LGMN: variants seen among roughly 807,000 people sequenced by gnomAD.
LGMN encodes asparaginyl endopeptidase.
Under a neutral mutation model 56.8 loss-of-function variants are expected in LGMN, and 36 were observed. That is an observed-to-expected ratio of 0.63 (90% CI 0.49 to 0.84). The LOEUF is 0.84. Ranked by LOEUF, LGMN falls within the 40% of genes least tolerant of loss-of-function variation. The pLI is 0.00. For missense variants in LGMN, 446 were observed against 556.1 expected, an observed-to-expected ratio of 0.80 and a Z score of 1.99; for synonymous variants, 199 against 210.1, an observed-to-expected ratio of 0.95 and a Z score of 0.46.
intron 1 of LGMN, among the ~76,000 whole-genome samples, chr14:92,743,273 G>A (rs574351815): frequency 5.4e-4 from 82 of 152,160 alleles, no homozygotes; most frequent in African/African-American, 1.9e-3. Context: ...AGGCCAAGGC[G>A]GGTGGATCAC....
At chr14:92,708,539 TCA>T (rs1889563082) in intron 11 of LGMN, among the ~76,000 whole-genome samples, 1 of 152,178 alleles carries the variant, frequency 6.6e-6, no homozygotes, top group Admixed American at 6.5e-5. Context: ...AATACGTTTT[TCA>T]CACACAGGGC....
At position 92,704,032 on chromosome 14, in the gene LGMN, G is replaced by C; in HGVS notation, c.*287C>G. 1 of 693,908 alleles carries C rather than the reference G, an allele frequency of 1.4e-6. No homozygotes were observed. Among genetic ancestry groups the C allele is most frequent in the South Asian group, 1.5e-5 (1 of 65,848 alleles). The allele number at this position is 693,908 out of a possible 1,614,324, so 43.0% of individuals were successfully genotyped here. ...CTACAGAAGCCCCCATGAGCTTCCT[G>C]CTCCTCAAAACTAACAGGCAAAACA... is the stretch of plus-strand genomic sequence containing the variant. On this transcript the variant is annotated 3_prime_UTR_variant, in exon 14 of 14. Coordinates refer to ENST00000334869, the MANE Select transcript of LGMN (RefSeq NM_005606.7).
rs756259014 is a variant in LGMN, at chr14:92,742,292, C to CTTTTTTT, written c.-30+6190_-30+6196dup. On this transcript the variant is annotated intron_variant, in intron 1 of 13. Coordinates refer to ENST00000334869, the MANE Select transcript of LGMN (RefSeq NM_005606.7). ...AAATGTCTTGCTGTTTTTTGTTTTG[C>CTTTTTTT]TTTTTTTTTTTTTCTTTTTTTTTGA... Among the ~76,000 whole-genome samples the CTTTTTTT allele has an allele frequency of 8.3e-5, 7 of 84,014 alleles. 1 individual carries two copies. The highest frequency in any genetic ancestry group is 1.3e-4 in the African/African-American group (2 of 15,846). 55.1% of individuals were successfully genotyped at this position (84,014 alleles called of 152,430 possible).
chr14:92,706,569 C>T lies in LGMN; in HGVS notation c.1105G>A (p.Glu369Lys), dbSNP rs370307281. The change falls in exon 12 of 14, where the codon GAG becomes AAG. Residue 369 changes from glutamate to lysine, a missense_variant. Physicochemically the swap from Glu to Lys is moderately conservative, Grantham distance 56. Coordinates refer to ENST00000334869, the MANE Select transcript of LGMN (RefSeq NM_005606.7). ...SEAEVEQLLS[E>K]RAPLTGHSCY... ...CTGTGCCCCGTGAGCGGGGCTCTCT[C>T]GGACAGGAGCTGCTCCACCTCAGCC... 83 of 1,604,824 alleles carry T rather than the reference C, an allele frequency of 5.2e-5. No individual in the cohort carries two copies. In the African/African-American group the frequency reaches 6.5e-4, roughly 13 times the overall value.
At chr14:92,745,135 A>C (rs1357439608) in intron 1 of LGMN, among the ~76,000 whole-genome samples, 1 of 152,172 alleles carries the variant, frequency 6.6e-6, no homozygotes. Flanking sequence ...CAGTCTCTAC[A>C]AAAAACAAAA....
At chr14:92,712,165 C>T (rs1402980539) in intron 8 of LGMN, among the ~76,000 whole-genome samples, 1 of 152,152 alleles carries the variant, frequency 6.6e-6, no homozygotes, top group Non-Finnish European at 1.5e-5. Context: ...GAGGAGCCAG[C>T]TGGTGGATGT....
chr14:92,735,900 T>C (rs1891282503), intron 1 of LGMN, among the ~76,000 whole-genome samples: 1 of 151,958 alleles, frequency 6.6e-6, no homozygotes, highest in Non-Finnish European at 1.5e-5. Context: ...GGTCTGTTCA[T>C]GTGCACCTGA....
At chr14:92,725,959 G>A (rs1000801303) in intron 2 of LGMN, among the ~76,000 whole-genome samples, 4 of 151,866 alleles carry the variant, frequency 2.6e-5, no homozygotes, top group Admixed American at 6.6e-5. Flanking sequence ...TCATCTGACC[G>A]GGCACAGTGG....
rs1316574257 is a variant in LGMN at position 92,709,869 on chromosome 14, TTGTC to T, written c.820-1_822del. 1 of 1,599,782 alleles carries T rather than the reference TTGTC, an allele frequency of 6.3e-7. No homozygotes were observed. Among genetic ancestry groups the T allele is most frequent in the Non-Finnish European group, 8.5e-7 (1 of 1,171,468 alleles). On this transcript the variant is annotated splice_acceptor_variant and coding_sequence_variant, in exon 11 of 14. Coordinates refer to ENST00000334869, the MANE Select transcript of LGMN (RefSeq NM_005606.7). LOFTEE classifies it high-confidence loss of function. Reference sequence around the variant, plus strand: ...AACTGCATCACTTTCATGGTGGAGATTGTCTGGGGAGACAGACAGCAAGAGAGAG... The same window carrying T: ...AACTGCATCACTTTCATGGTGGAGATTGGGGAGACAGACAGCAAGAGAGAG...
chr14:92,727,429 CAAAA>C (rs35889328), intron 2 of LGMN, among the ~76,000 whole-genome samples: 26 of 47,984 alleles, frequency 5.4e-4, no homozygotes, highest in Non-Finnish European at 1.2e-4. Context: ...GACTGCCTCA[CAAAA>C]AAAAAAAAAA....
At chr14:92,709,909 A>AGCGAGAGAGAGTGAGAGAAGGC in intron 10 of LGMN, 37 bp from the exon 11 acceptor site, 1 of 1,521,100 alleles carries the variant, frequency 6.6e-7, no homozygotes, top group Non-Finnish European at 9.0e-7. Flanking sequence ...CGAGAGAGAA[A>AGCGAGAGAGAGTGAGAGAAGGC]GCGAGAGAGA....
At chr14:92,731,431 G>A (rs1891044197) in intron 2 of LGMN, among the ~76,000 whole-genome samples, 2 of 152,158 alleles carry the variant, frequency 1.3e-5, no homozygotes, top group Admixed American at 6.6e-5. Flanking sequence ...TGCAAAGAGA[G>A]ACCCCATGTC....
At chr14:92,741,349 A>G (rs371791539) in intron 1 of LGMN, 3 of 152,380 alleles carry the variant, frequency 2.0e-5, no homozygotes, top group South Asian at 4.1e-4. Flanking sequence ...TAAGTAGCAG[A>G]GTCAAGTTCA....
intron 2 of LGMN, among the ~76,000 whole-genome samples, chr14:92,725,385 TA>T (rs967863336): frequency 1.3e-5 from 2 of 151,206 alleles, no homozygotes; most frequent in African/African-American, 2.4e-5. Context: ...TTCATCTCTA[TA>T]AAAAAAAATT....
intron 1 of LGMN, chr14:92,741,435 G>T (rs140504440): frequency 6.6e-6 from 1 of 152,244 alleles, no homozygotes; most frequent in Non-Finnish European, 1.5e-5. Context: ...ACTGGCTCTG[G>T]GTTAGACACA....
Position 92,714,983 on chromosome 14 carries a change from T to C in LGMN, c.405-532A>G, listed in dbSNP as rs2140221386. ...TTTGGTTCACCCTCACAGATGTCCATCTCCATACTAATTTTTTTTTTTTTT... is the reference window on the plus strand; with the variant it reads ...TTTGGTTCACCCTCACAGATGTCCACCTCCATACTAATTTTTTTTTTTTTT... On this transcript the variant is annotated intron_variant, in intron 5 of 13. Coordinates refer to ENST00000334869, the MANE Select transcript of LGMN (RefSeq NM_005606.7). This position sits in a 1 kb window ranked among gnomAD's most constrained non-coding sequence, Gnocchi z 5.1. 6.7e-6 allele frequency among the ~76,000 whole-genome samples: 1 copy of C among 149,962 alleles called. No homozygotes were observed. The highest frequency in any genetic ancestry group is 2.1e-4 in the South Asian group (1 of 4,760).
intron 2 of LGMN, among the ~76,000 whole-genome samples, chr14:92,731,382 G>A (rs937285091): frequency 3.9e-5 from 6 of 152,220 alleles, no homozygotes; most frequent in Non-Finnish European, 8.8e-5. Flanking sequence ...TCACCAAGTT[G>A]TGTACTCATC....
chr14:92,717,029 C>G (rs916656099), intron 4 of LGMN, among the ~76,000 whole-genome samples: 1 of 152,058 alleles, frequency 6.6e-6, no homozygotes, highest in Non-Finnish European at 1.5e-5. Context: ...TTGCACCAAG[C>G]CTGGTACTGA....
chr14:92,743,759 C>A (rs897751248), intron 1 of LGMN, among the ~76,000 whole-genome samples: 3 of 150,232 alleles, frequency 2.0e-5, no homozygotes, highest in Non-Finnish European at 4.4e-5. Flanking sequence ...CGAGATCAAA[C>A]CACAGCACTC....
Sources: allele counts gnomAD v4.1 joint callset (sites outside exome capture counted in the v4.1 genomes callset), GRCh38; gene constraint gnomAD v4.1.1; non-coding constraint Gnocchi (gnomAD v3.1); transcripts MANE v1.5; gene names NCBI Gene and HGNC (gene_info 2026-07-23, HGNC 2026-07-21).